ACSBG2: variants seen among roughly 807,000 people sequenced by gnomAD.
ACSBG2 encodes acyl-CoA synthetase bubblegum family member 2.
ACSBG2 carries 62 observed loss-of-function variants against 74.7 expected under a neutral mutation model. The ratio of observed to expected loss-of-function variants is 0.83; its 90% CI spans 0.68 to 1.03. ACSBG2 has a LOEUF of 1.03. ACSBG2 is among the 50% of genes least tolerant of loss of function. The pLI is 0.00. For missense variants in ACSBG2, 730 were observed against 817.6 expected, an observed-to-expected ratio of 0.89 and a Z score of 1.31; for synonymous variants, 309 against 294.1, an observed-to-expected ratio of 1.05 and a Z score of -0.52.
At chr19:6,154,605 G>A (rs1448294087) in intron 4 of ACSBG2, among the ~76,000 whole-genome samples, 5 of 151,148 alleles carry the variant, frequency 3.3e-5, no homozygotes, top group African/African-American at 4.9e-5. Context: ...TCTGCCTCCC[G>A]GGTTCAAGTG....
chr19:6,191,992 C>T (rs1320640724), intron 14 of ACSBG2: 1 of 148,914 alleles, frequency 6.7e-6, no homozygotes, highest in Non-Finnish European at 1.5e-5. Context: ...AATATGGCAG[C>T]CACTGGCCAC....
At position 6,192,944 on chromosome 19, in the gene ACSBG2, A is replaced by G. The variant is rs370859954; in HGVS notation, c.*312A>G. On this transcript the variant is annotated 3_prime_UTR_variant, in exon 15 of 15. Coordinates refer to ENST00000588485, the MANE Select transcript of ACSBG2 (RefSeq NM_030924.5). Reference sequence around the variant, plus strand: ...GAAAGACCTGAACTTGTGGGCTCCCATTTGATTTTTTTCTCCTCAGGGGAC... The same window carrying G: ...GAAAGACCTGAACTTGTGGGCTCCCGTTTGATTTTTTTCTCCTCAGGGGAC... The G allele has an allele frequency of 1.3e-4, 20 of 152,316 alleles. 2 individuals carry two copies. The highest frequency in any genetic ancestry group is 1.7e-4 in the African/African-American group (7 of 41,570). 9.4% of individuals were successfully genotyped at this position (152,316 alleles called of 1,614,324 possible). A position where few individuals can be genotyped will look rare whatever the true frequency, so the allele number is the denominator to read the frequency against.
intron 1 of ACSBG2, 84 bp from the exon 2 acceptor site, chr19:6,141,429 C>A: frequency 1.4e-6 from 1 of 720,420 alleles, no homozygotes; most frequent in Non-Finnish European, 2.5e-6. Context: ...TCTAGGCAGA[C>A]ATGACCAGTG....
Position 6,181,820 on chromosome 19 carries a change from C to CCCCG in ACSBG2, c.907-928_907-927insGCCC, listed in dbSNP as rs1568250774. Among the ~76,000 whole-genome samples, 2 of 124,444 alleles carry CCCCG rather than the reference C, an allele frequency of 1.6e-5. 1 individual carries two copies. The highest frequency in any genetic ancestry group is 3.3e-5 in the Non-Finnish European group (2 of 59,852). The allele number at this position is 124,444 out of a possible 152,430, so 81.6% of individuals were successfully genotyped here. ...TTTGAATAGTCCCCACCCGCCCCCCCCCCCAACGAAATTTCCTTGGCATTT... is the reference window on the plus strand; with the variant it reads ...TTTGAATAGTCCCCACCCGCCCCCCCCCCGCCCCAACGAAATTTCCTTGGCATTT... On this transcript the variant is annotated intron_variant, in intron 8 of 14. Transcript: ENST00000588485.
At chr19:6,175,168 A>C (rs2090059802) in intron 7 of ACSBG2, 1 of 152,248 alleles carries the variant, frequency 6.6e-6, no homozygotes, top group African/African-American at 2.4e-5. Context: ...GACAAGGTTT[A>C]TGGGAGCCTT....
chr19:6,153,712 G>C (rs1220423897), intron 4 of ACSBG2, among the ~76,000 whole-genome samples: 1 of 152,066 alleles, frequency 6.6e-6, no homozygotes, highest in Non-Finnish European at 1.5e-5. Flanking sequence ...GCCAGGCATG[G>C]TGGTGTGTGC....
rs2089686726 is a variant in ACSBG2, at chr19:6,163,308, G to T, written c.588+2013G>T. On this transcript the variant is annotated intron_variant, in intron 6 of 14. Transcript: ENST00000588485. ...ACTAAAAAATACAAAAAATTAGCTG[G>T]GCATGGTGGCATGCGCCTGTAGTCC... is the stretch of plus-strand genomic sequence containing the variant. Among the ~76,000 whole-genome samples, 2 of 90,044 alleles carry T rather than the reference G, an allele frequency of 2.2e-5. 1 individual carries two copies. Among genetic ancestry groups the T allele is most frequent in the Non-Finnish European group, 5.2e-5 (2 of 38,394 alleles). 59.1% of individuals were successfully genotyped at this position (90,044 alleles called of 152,430 possible).
chr19:6,152,710 A>G (rs932633581), intron 4 of ACSBG2, among the ~76,000 whole-genome samples: 47 of 152,316 alleles, frequency 3.1e-4, no homozygotes, highest in Non-Finnish European at 5.9e-4. Flanking sequence ...AAACATGAAT[A>G]TATTTTGGCT....
At chr19:6,145,617 G>A (rs1016911558) in intron 2 of ACSBG2, among the ~76,000 whole-genome samples, 1 of 152,006 alleles carries the variant, frequency 6.6e-6, no homozygotes, top group African/African-American at 2.4e-5. Context: ...CCCGTTACTG[G>A]GTGGTAGTGA....
rs184915195 is a variant in ACSBG2, at chr19:6,151,097, G to A, written c.298-610G>A. On this transcript the variant is annotated intron_variant, in intron 3 of 14. Transcript: ENST00000588485. The stretch of plus-strand genomic sequence containing the variant: ...CTGCTGGACTCCAGCCTTGGCAACA[G>A]AGTGAGACTCTGTCTCAAAAAAAAA... 2.7e-3 allele frequency among the ~76,000 whole-genome samples: 396 copies of A among 145,008 alleles called. 9 individuals are homozygous for A. The East Asian group carries it at 0.037, about 14-fold the overall frequency.
chr19:6,157,831 A>G (rs1170672400), intron 5 of ACSBG2, among the ~76,000 whole-genome samples: 2 of 152,044 alleles, frequency 1.3e-5, no homozygotes, highest in African/African-American at 4.8e-5. Flanking sequence ...ATGCTACTAT[A>G]TAATTTTCTT....
intron 5 of ACSBG2, among the ~76,000 whole-genome samples, chr19:6,157,343 G>C (rs1014857987): frequency 6.6e-6 from 1 of 152,204 alleles, no homozygotes; most frequent in Non-Finnish European, 1.5e-5. Flanking sequence ...AACACCTGAG[G>C]TCAGGAGTTT....
chr19:6,139,816 C>T (rs2088748639), intron 1 of ACSBG2, among the ~76,000 whole-genome samples: 1 of 152,188 alleles, frequency 6.6e-6, no homozygotes, highest in Admixed American at 6.5e-5. Context: ...TGGTGGCTCA[C>T]ACCTGTAATC....
rs58730661 is a variant in ACSBG2 at position 6,190,812 on chromosome 19, TACACACACACACAC to T, written c.*35+147_*35+160del. 386 of 336,816 alleles carry T rather than the reference TACACACACACACAC, an allele frequency of 1.1e-3. 4 individuals carry two copies. Among genetic ancestry groups the T allele is most frequent in the African/African-American group, 6.5e-3 (297 of 45,380 alleles). 20.9% of individuals were successfully genotyped at this position (336,816 alleles called of 1,614,324 possible). On this transcript the variant is annotated intron_variant, in intron 14 of 14. Transcript: ENST00000588485. ...GAAAACACACACATACACACATACA[TACACACACACACAC>T]ACACACACACACACACACACACACA...
In ACSBG2 at chr19:6,182,893, GAA is replaced by G; in HGVS notation, c.1051_1052del (p.Asn351HisfsTer15). ...AAGAAGAAGGCATTCGTGTGGGCAA[GAA>G]ACATTGGCTTCAAGGTCAACTCAAA... On this transcript the variant is annotated frameshift_variant, in exon 9 of 15. Coordinates refer to ENST00000588485, the MANE Select transcript of ACSBG2 (RefSeq NM_030924.5). LOFTEE classifies it high-confidence loss of function. 6.2e-7 allele frequency: 1 copy of G among 1,614,178 alleles called. No individual in the cohort carries two copies. Among genetic ancestry groups the G allele is most frequent in the South Asian group, 1.1e-5 (1 of 91,082 alleles).
chr19:6,191,273 T>A (rs1176547966), intron 14 of ACSBG2: 1 of 151,486 alleles, frequency 6.6e-6, no homozygotes, highest in Non-Finnish European at 1.5e-5. Context: ...AGATGCACAG[T>A]GCAGGCAGAA....
intron 2 of ACSBG2, among the ~76,000 whole-genome samples, chr19:6,146,993 T>C (rs2089057410): frequency 6.6e-6 from 1 of 151,690 alleles, no homozygotes; most frequent in South Asian, 2.1e-4. Context: ...TCCAGTTATT[T>C]GGGAGGCTGA....
intron 7 of ACSBG2, among the ~76,000 whole-genome samples, chr19:6,172,472 G>A (rs564295711): frequency 6.6e-6 from 1 of 151,316 alleles, no homozygotes; most frequent in South Asian, 2.1e-4. Context: ...GGGTTCCACG[G>A]TTGTGGACAG....
intron 8 of ACSBG2, among the ~76,000 whole-genome samples, chr19:6,181,605 T>C (rs1007808769): frequency 6.6e-6 from 1 of 152,160 alleles, no homozygotes; most frequent in African/African-American, 2.4e-5. Flanking sequence ...TTTGGTATCA[T>C]ATCTAGGAAA....
Sources: gnomAD v4.1 joint callset for allele counts (sites outside exome capture counted in the v4.1 genomes callset) on GRCh38, gnomAD v4.1.1 for gene constraint, MANE v1.5 for transcripts, NCBI Gene and HGNC (gene_info 2026-07-23, HGNC 2026-07-21) for gene names.